The following LDLRAD3 variants were observed in gnomAD, a reference collection of about 807,000 sequenced individuals.
LDLRAD3 encodes low-density lipoprotein receptor class A domain-containing protein 3.
LDLRAD3 carries 20 observed loss-of-function variants against 29.4 expected under a neutral mutation model. The ratio of observed to expected loss-of-function variants is 0.68; its 90% CI spans 0.48 to 0.99. The LOEUF (loss-of-function observed/expected upper bound fraction) is 0.99. Ranked by LOEUF, LDLRAD3 falls within the 50% of genes least tolerant of loss-of-function variation. The pLI is 0.00. For synonymous variants in LDLRAD3, 157 were observed against 192.7 expected, an observed-to-expected ratio of 0.81 and a Z score of 1.53; for missense variants, 420 against 454.3, an observed-to-expected ratio of 0.92 and a Z score of 0.69.
intron 4 of LDLRAD3, among the ~76,000 whole-genome samples, chr11:36,169,729 A>G (rs1051386560): frequency 3.3e-5 from 5 of 152,162 alleles, no homozygotes; most frequent in African/African-American, 1.2e-4. Flanking sequence ...TTGATTTCGT[A>G]TCTTGGCTAA....
intron 4 of LDLRAD3, among the ~76,000 whole-genome samples, chr11:36,177,877 T>C (rs1854702376): frequency 6.6e-6 from 1 of 152,208 alleles, no homozygotes; most frequent in Non-Finnish European, 1.5e-5. Context: ...TAAGGTCGCC[T>C]GGATAAGTAT....
chr11:36,007,341 A>T (rs750181928), intron 1 of LDLRAD3, among the ~76,000 whole-genome samples: 4 of 152,218 alleles, frequency 2.6e-5, no homozygotes, highest in Non-Finnish European at 5.9e-5. Flanking sequence ...TGGTGAGTCT[A>T]GCCTACCTGC....
At chr11:35,989,906 G>T (rs548976764) in intron 1 of LDLRAD3, among the ~76,000 whole-genome samples, 1 of 152,118 alleles carries the variant, frequency 6.6e-6, no homozygotes, top group Admixed American at 6.5e-5. Flanking sequence ...TCTTTCTCTT[G>T]CCTGATTGCT....
intron 4 of LDLRAD3, among the ~76,000 whole-genome samples, chr11:36,101,605 C>G (rs1271210604): frequency 6.6e-6 from 1 of 152,208 alleles, no homozygotes. Context: ...GTTCCCTTAG[C>G]TGTCTGCAAT....
At chr11:36,188,371 CAAAAAAA>C (rs57049829) in intron 4 of LDLRAD3, among the ~76,000 whole-genome samples, 14 of 62,032 alleles carry the variant, frequency 2.3e-4, no homozygotes, top group African/African-American at 7.5e-4. Flanking sequence ...GGAAAACCAG[CAAAAAAA>C]AAAAAAAAAA....
intron 1 of LDLRAD3, among the ~76,000 whole-genome samples, chr11:36,015,648 T>G (rs1852013165): frequency 7.4e-6 from 1 of 134,654 alleles, no homozygotes; most frequent in South Asian, 2.5e-4. Flanking sequence ...GTGCCCCCAC[T>G]CCATCCTCCC....
rs781597348 is a variant in LDLRAD3, at chr11:36,143,919, TCTCCCCCTCCCC to T, written c.454+45476_454+45487del. ...GTTGGAGGCTCCCTCTCCCTCTCCC[TCTCCCCCTCCCC>T]CTCCCCCTCCCCCTCCCTCTCTTGC... On this transcript the variant is annotated intron_variant, in intron 4 of 5. Coordinates refer to ENST00000315571, the MANE Select transcript of LDLRAD3 (RefSeq NM_174902.4). Among the ~76,000 whole-genome samples, 9 of 48,082 alleles carry T rather than the reference TCTCCCCCTCCCC, an allele frequency of 1.9e-4. No homozygotes were observed. The East Asian group carries it at 4.5e-3, about 24-fold the overall frequency. The allele number at this position is 48,082 out of a possible 152,430, so 31.5% of individuals were successfully genotyped here. A position where few individuals can be genotyped will look rare whatever the true frequency, so the allele number is the denominator to read the frequency against.
intron 4 of LDLRAD3, among the ~76,000 whole-genome samples, chr11:36,119,364 T>G (rs1853720032): frequency 6.6e-6 from 1 of 152,194 alleles, no homozygotes; most frequent in Admixed American, 6.5e-5. Flanking sequence ...GGGAACTCTG[T>G]TTTAACTCTG....
intron 1 of LDLRAD3, among the ~76,000 whole-genome samples, chr11:36,024,313 G>A (rs1219887353): frequency 6.9e-6 from 1 of 145,888 alleles, no homozygotes; most frequent in Non-Finnish European, 1.5e-5. Flanking sequence ...CTATATATAT[G>A]TTTTATATCT....
At chr11:36,099,176 T>C (rs1565221562) in intron 4 of LDLRAD3, among the ~76,000 whole-genome samples, 1 of 152,174 alleles carries the variant, frequency 6.6e-6, no homozygotes, top group Non-Finnish European at 1.5e-5. Context: ...GGCTGTCTCA[T>C]GGAAGCTGAG....
chr11:36,171,002 A>G (rs1434454930), intron 4 of LDLRAD3, among the ~76,000 whole-genome samples: 1 of 152,076 alleles, frequency 6.6e-6, no homozygotes, highest in African/African-American at 2.4e-5. Context: ...GGGTTTCACC[A>G]TGTTGGCCAG....
intron 4 of LDLRAD3, among the ~76,000 whole-genome samples, chr11:36,144,757 T>G (rs1246235302): frequency 5.7e-5 from 6 of 104,700 alleles, no homozygotes; most frequent in Admixed American, 9.2e-5. Context: ...GGGAGGGAGG[T>G]GGGGGTCAGC....
At chr11:36,128,252 C>A (rs1156603157) in intron 4 of LDLRAD3, among the ~76,000 whole-genome samples, 1 of 151,832 alleles carries the variant, frequency 6.6e-6, no homozygotes, top group Admixed American at 6.6e-5. Context: ...TGTATAAATA[C>A]CCTCCCCATA....
chr11:35,983,294 G>T (rs1418517008), intron 1 of LDLRAD3, among the ~76,000 whole-genome samples: 2 of 152,212 alleles, frequency 1.3e-5, no homozygotes, highest in African/African-American at 4.8e-5. Context: ...TTAAATAAAA[G>T]ATACCATCAA....
intron 1 of LDLRAD3, among the ~76,000 whole-genome samples, chr11:35,947,497 A>AT (rs1851072503): frequency 6.6e-6 from 1 of 151,666 alleles, no homozygotes; most frequent in African/African-American, 2.4e-5. Context: ...GACTGCCTCA[A>AT]TTAAAAAAAA....
chr11:35,958,568 C>T (rs1565124165), intron 1 of LDLRAD3, among the ~76,000 whole-genome samples: 1 of 152,120 alleles, frequency 6.6e-6, no homozygotes, highest in East Asian at 1.9e-4. Flanking sequence ...GAGGGCCCTC[C>T]TTTTCCTGTA....
intron 4 of LDLRAD3, among the ~76,000 whole-genome samples, chr11:36,108,784 A>G (rs1355055310): frequency 1.3e-5 from 2 of 152,170 alleles, no homozygotes; most frequent in Non-Finnish European, 2.9e-5. Context: ...CCAGAGCTAG[A>G]TGGTAAAGCA....
chr11:35,970,442 G>GGC (rs1851398081), intron 1 of LDLRAD3, among the ~76,000 whole-genome samples: 1 of 152,200 alleles, frequency 6.6e-6, no homozygotes, highest in Non-Finnish European at 1.5e-5. Context: ...CCAGAAGCCA[G>GGC]GCAAGGAAGG....
chr11:36,184,769 C>T (rs1159501196), intron 4 of LDLRAD3, among the ~76,000 whole-genome samples: 1 of 152,166 alleles, frequency 6.6e-6, no homozygotes, highest in Non-Finnish European at 1.5e-5. Context: ...CTCCACAGTC[C>T]TCTGATCTGG....
Sources: gnomAD v4.1 joint callset for allele counts (sites outside exome capture counted in the v4.1 genomes callset) on GRCh38, gnomAD v4.1.1 for gene constraint, MANE v1.5 for transcripts, NCBI Gene and HGNC (gene_info 2026-07-23, HGNC 2026-07-21) for gene names.